Variants in NPHS2 observed in about 807,000 individuals in gnomAD.
NPHS2 encodes the protein podocin.
In NPHS2, 36 loss-of-function variants were observed where a neutral mutation model predicts 37.1. The observed-to-expected ratio is 0.97, with a 90% CI of 0.74 to 1.28. NPHS2 has a LOEUF of 1.28. NPHS2 is among the 50% of genes most tolerant of loss of function. The probability of loss-of-function intolerance (pLI) is 0.00; values close to 1 mark genes in which losing one functional copy is unlikely to be tolerated. For missense variants in NPHS2, 447 were observed against 488.1 expected, an observed-to-expected ratio of 0.92 and a Z score of 0.79; for synonymous variants, 196 against 189.3, an observed-to-expected ratio of 1.04 and a Z score of -0.29.
Position 179,556,124 on chromosome 1 carries a change from T to C in NPHS2, c.738+903A>G, listed in dbSNP as rs1673913442. ...GCTTGAATGTCAAGTGTCTGGACTTTATCCTTTAAAGGAGAAGGATGAATA... is the reference window on the plus strand; with the variant it reads ...GCTTGAATGTCAAGTGTCTGGACTTCATCCTTTAAAGGAGAAGGATGAATA... On this transcript the variant is annotated intron_variant, in intron 5 of 7. Coordinates refer to ENST00000367615, the MANE Select transcript of NPHS2 (RefSeq NM_014625.4). The surrounding 1 kb of genome is among the most constrained non-coding windows in gnomAD (Gnocchi z 4.1). 6.6e-6 allele frequency among the ~76,000 whole-genome samples: 1 copy of C among 152,260 alleles called. No individual in the cohort carries two copies. The highest frequency in any genetic ancestry group is 2.1e-4 in the South Asian group (1 of 4,830).
chr1:179,555,605 A>G (rs1673885435), intron 5 of NPHS2, among the ~76,000 whole-genome samples: 1 of 152,208 alleles, frequency 6.6e-6, no homozygotes, highest in Non-Finnish European at 1.5e-5. Flanking sequence ...GAATGTTGAT[A>G]AAGACGTCGC....
At chr1:179,565,868 G>C (rs1179509326) in intron 1 of NPHS2, among the ~76,000 whole-genome samples, 2 of 151,850 alleles carry the variant, frequency 1.3e-5, no homozygotes, top group Admixed American at 1.3e-4. Context: ...GATGGTTTCC[G>C]GCTTCATCCA....
intron 1 of NPHS2, among the ~76,000 whole-genome samples, chr1:179,566,656 C>T (rs569856696): frequency 1.4e-4 from 21 of 152,016 alleles, no homozygotes; most frequent in African/African-American, 2.4e-4. Context: ...ATGTTCTGAA[C>T]GGTATTGCCT....
chr1:179,563,153 A>G (rs1008405738), intron 2 of NPHS2, among the ~76,000 whole-genome samples: 13 of 152,234 alleles, frequency 8.5e-5, no homozygotes, highest in African/African-American at 3.1e-4. Context: ...AACAGTAACT[A>G]AAGTAGAGCG....
chr1:179,560,894 A>G (rs2125787399), intron 3 of NPHS2, among the ~76,000 whole-genome samples: 1 of 152,328 alleles, frequency 6.6e-6, no homozygotes, highest in East Asian at 1.9e-4. Flanking sequence ...TTGTTATTTG[A>G]ATGCTGAACT....
intron 1 of NPHS2, among the ~76,000 whole-genome samples, chr1:179,570,568 CG>C (rs1175557451): frequency 6.6e-6 from 1 of 152,160 alleles, no homozygotes; most frequent in Non-Finnish European, 1.5e-5. Context: ...CCTTCATTCC[CG>C]TAGACACACA....
chr1:179,553,907 G>A (rs1270940441), intron 6 of NPHS2, among the ~76,000 whole-genome samples: 1 of 140,744 alleles, frequency 7.1e-6, no homozygotes, highest in Non-Finnish European at 1.5e-5. Flanking sequence ...CAACACCCCT[G>A]GCTAATTTTT....
intron 1 of NPHS2, among the ~76,000 whole-genome samples, chr1:179,566,539 C>T (rs1368739536): frequency 1.3e-5 from 2 of 152,176 alleles, no homozygotes; most frequent in Non-Finnish European, 2.9e-5. Context: ...CTGATAGTTT[C>T]TTTTGCTGTG....
rs773755270 is a variant in NPHS2 at position 179,551,259 on chromosome 1, T to C, written c.1066A>G (p.Arg356Gly). Residue 356 changes from arginine (R) to glycine (G), a missense_variant, in exon 8 of 8, where the codon AGA becomes GGA. By Grantham distance (125) the Arg-to-Gly change is moderately radical. Transcript: ENST00000367615. ...LLNCLSSPSN[R>G]TQGSLPFPSP... ...GGGAAGGGGAGGCTTCCCTGAGTTC[T>C]GTTGCTGGGAGAAGACAGGCAATTC... The C allele has an allele frequency of 2.5e-6, 4 of 1,614,002 alleles. No individual in the cohort carries two copies. Among genetic ancestry groups the C allele is most frequent in the Non-Finnish European group, 3.4e-6 (4 of 1,180,010 alleles).
chr1:179,551,004 A>G lies in NPHS2; in HGVS notation c.*169T>C. Reference sequence around the variant, plus strand: ...CATGTTGTCTGCCTTCTCTGTCATTACATCATTTCACCGTCTTCTCATGGA... The same window carrying G: ...CATGTTGTCTGCCTTCTCTGTCATTGCATCATTTCACCGTCTTCTCATGGA... On this transcript the variant is annotated 3_prime_UTR_variant, in exon 8 of 8. Transcript: ENST00000367615. 2.6e-6 allele frequency: 2 copies of G among 758,652 alleles called. No homozygotes were observed. The highest frequency in any genetic ancestry group is 4.4e-6 in the Non-Finnish European group (2 of 459,330). 47.0% of individuals were successfully genotyped at this position (758,652 alleles called of 1,614,324 possible). A position where few individuals can be genotyped will look rare whatever the true frequency, so the allele number is the denominator to read the frequency against.
chr1:179,564,728 T>G lies in NPHS2; in HGVS notation c.340A>C (p.Ile114Leu), dbSNP rs779163992. 1 of 1,613,988 alleles carries G rather than the reference T, an allele frequency of 6.2e-7. No homozygotes were observed. The highest frequency in any genetic ancestry group is 1.1e-5 in the South Asian group (1 of 91,070). The change falls in exon 2 of 8, where the codon ATC (isoleucine) becomes CTC (leucine). Residue 114 changes from isoleucine (I) to leucine (L), a missense_variant. Physicochemically the swap from Ile to Leu is conservative, Grantham distance 5. Transcript: ENST00000367615. Reference sequence around the variant, plus strand: ...CAGATGGAAAAAGGGAAGGTCATGATGATGAAGAGCAGGGAAATGAGGACA... The same window carrying G: ...CAGATGGAAAAAGGGAAGGTCATGAGGATGAAGAGCAGGGAAATGAGGACA... ...LLVLISLLFI[I>L]MTFPFSIWFC...
intron 2 of NPHS2, among the ~76,000 whole-genome samples, chr1:179,563,106 A>G (rs1674207987): frequency 6.6e-6 from 1 of 152,248 alleles, no homozygotes; most frequent in African/African-American, 2.4e-5. Context: ...AGATATGAAC[A>G]GACTGAAAGT....
chr1:179,555,156 C>T (rs764022622), intron 5 of NPHS2, among the ~76,000 whole-genome samples: 2 of 152,072 alleles, frequency 1.3e-5, no homozygotes, highest in African/African-American at 4.8e-5. Flanking sequence ...CTGTGGTCTT[C>T]GAAACTAAGA....
chr1:179,568,995 T>C (rs1331533998), intron 1 of NPHS2, among the ~76,000 whole-genome samples: 1 of 152,184 alleles, frequency 6.6e-6, no homozygotes, highest in African/African-American at 2.4e-5. Flanking sequence ...TTAGAATAAA[T>C]ATGATGTGGT....
At chr1:179,554,642 G>C in intron 5 of NPHS2, 111 bp from the exon 6 acceptor site, 1 of 1,448,894 alleles carries the variant, frequency 6.9e-7, no homozygotes, top group Non-Finnish European at 9.7e-7. Context: ...CCTTTGAAAG[G>C]ACATTATTTG....
intron 1 of NPHS2, 100 bp downstream of exon 1, chr1:179,575,491 C>G: frequency 6.6e-7 from 1 of 1,520,644 alleles, no homozygotes; most frequent in Non-Finnish European, 8.9e-7. Context: ...GCAATCTGCT[C>G]TGGCTTCAGT....
At chr1:179,571,823 G>T (rs577583014) in intron 1 of NPHS2, among the ~76,000 whole-genome samples, 16 of 152,332 alleles carry the variant, frequency 1.1e-4, no homozygotes, top group Admixed American at 3.3e-4. Flanking sequence ...ATCAATCTCA[G>T]ACTGCTGCGC....
chr1:179,554,690 T>C (rs539590563), intron 5 of NPHS2, 159 bp from the exon 6 acceptor site: 1 of 947,944 alleles, frequency 1.1e-6, no homozygotes, highest in Admixed American at 2.1e-5. Context: ...TGCAAAGAGT[T>C]GTTTAACTTG....
rs748203170 is a variant in NPHS2 at position 179,551,346 on chromosome 1, G to A, written c.979C>T (p.Leu327Phe). 3.1e-6 allele frequency: 5 copies of A among 1,614,154 alleles called. No homozygotes were observed. Among genetic ancestry groups the A allele is most frequent in the Non-Finnish European group, 3.4e-6 (4 of 1,180,020 alleles). ...GGCTTCTCTGTGGACAGAGACTGAAGGGTGTGGAGGTATCGAAGCTGAACG... is the reference window on the plus strand; with the variant it reads ...GGCTTCTCTGTGGACAGAGACTGAAAGGTGTGGAGGTATCGAAGCTGAACG... ...AAVQLRYLHT[L>F]QSLSTEKPST... The change falls in exon 8 of 8, where the codon CTT (leucine) becomes TTT (phenylalanine). Residue 327 changes from leucine to phenylalanine, a missense_variant. Transcript: ENST00000367615.
Sources: gnomAD v4.1 joint callset for allele counts (sites outside exome capture counted in the v4.1 genomes callset) on GRCh38, gnomAD v4.1.1 for gene constraint, Gnocchi (gnomAD v3.1) non-coding constraint, MANE v1.5 for transcripts, NCBI Gene and HGNC (gene_info 2026-07-23, HGNC 2026-07-21) for gene names.